The following CNTNAP4 variants were observed in gnomAD, a reference collection of about 807,000 sequenced individuals.
CNTNAP4 encodes contactin-associated protein-like 4.
Under a neutral mutation model 148.4 loss-of-function variants are expected in CNTNAP4, and 98 were observed. The ratio of observed to expected loss-of-function variants is 0.66; its 90% CI spans 0.56 to 0.78. The LOEUF is 0.78. Among genes scored for constraint, CNTNAP4 ranks in the 30% least tolerant of loss-of-function variants. The probability of loss-of-function intolerance (pLI) is 0.00; values close to 1 mark genes in which losing one functional copy is unlikely to be tolerated. For synonymous variants in CNTNAP4, 730 were observed against 565.1 expected, an observed-to-expected ratio of 1.29 and a Z score of -4.14; for missense variants, 1,935 against 1,565.6, an observed-to-expected ratio of 1.24 and a Z score of -3.98.
chr16:76,303,474 TCAAAACCATGG>T (rs922050428), intron 1 of CNTNAP4, among the ~76,000 whole-genome samples: 41 of 152,158 alleles, frequency 2.7e-4, no homozygotes, highest in Admixed American at 7.2e-4. Context: ...GGAATCAAAG[TCAAAACCATGG>T]CAATTTCAGG....
intron 1 of CNTNAP4, among the ~76,000 whole-genome samples, chr16:76,283,707 G>C (rs1344597296): frequency 6.6e-6 from 1 of 151,858 alleles, no homozygotes; most frequent in Non-Finnish European, 1.5e-5. Flanking sequence ...TAACTAATGG[G>C]TACTAGGCTT....
At chr16:76,343,848 T>C (rs930177852) in intron 2 of CNTNAP4, among the ~76,000 whole-genome samples, 3 of 152,180 alleles carry the variant, frequency 2.0e-5, no homozygotes, top group Non-Finnish European at 4.4e-5. Flanking sequence ...GTAATGGTAA[T>C]GTATCATGAT....
chr16:76,490,067 C>G (rs955731021), intron 13 of CNTNAP4, among the ~76,000 whole-genome samples, 184 bp downstream of exon 13: 2 of 152,150 alleles, frequency 1.3e-5, no homozygotes, highest in African/African-American at 4.8e-5. Context: ...AAGAAAAGAA[C>G]AAGGTCAATT....
Position 76,298,427 on chromosome 16 carries a change from AT to A in CNTNAP4, c.86-17985del, listed in dbSNP as rs912569002. Among the ~76,000 whole-genome samples, 12 of 151,756 alleles carry A rather than the reference AT, an allele frequency of 7.9e-5. 1 individual carries two copies. Among genetic ancestry groups the A allele is most frequent in the Admixed American group, 3.9e-4 (6 of 15,198 alleles). On this transcript the variant is annotated intron_variant, in intron 1 of 23. Coordinates refer to ENST00000611870, the MANE Select transcript of CNTNAP4 (RefSeq NM_033401.5). Reference sequence around the variant, plus strand: ...AGAATTAACAGTCTAGCTTTTATGAATGGCAATTAGATTCTTTGGATTACCC... The same window carrying A: ...AGAATTAACAGTCTAGCTTTTATGAAGGCAATTAGATTCTTTGGATTACCC...
chr16:76,530,084 G>A (rs758213658), intron 17 of CNTNAP4, among the ~76,000 whole-genome samples: 33 of 151,390 alleles, frequency 2.2e-4, no homozygotes, highest in Admixed American at 4.0e-4. Flanking sequence ...ATATATTTTA[G>A]GTGAGTCCTT....
chr16:76,454,700 T>C (rs1347687394), intron 8 of CNTNAP4, among the ~76,000 whole-genome samples: 1 of 152,210 alleles, frequency 6.6e-6, no homozygotes, highest in Non-Finnish European at 1.5e-5. Flanking sequence ...CAGCTTGTTC[T>C]CCCAAGGGGA....
chr16:76,375,888 C>T (rs1369416785), intron 3 of CNTNAP4, among the ~76,000 whole-genome samples: 5 of 152,176 alleles, frequency 3.3e-5, no homozygotes, highest in Admixed American at 3.3e-4. Context: ...TTAAGGATGT[C>T]ATCTCTGTTA....
intron 15 of CNTNAP4, among the ~76,000 whole-genome samples, chr16:76,504,928 T>G (rs2082786935): frequency 6.6e-6 from 1 of 152,106 alleles, no homozygotes; most frequent in African/African-American, 2.4e-5. Context: ...ACTGTTAACA[T>G]TTAACAAATA....
rs1451287317 is a variant in CNTNAP4 at position 76,417,076 on chromosome 16, C to T, written c.391-10376C>T. Among the ~76,000 whole-genome samples, 3 of 151,310 alleles carry T rather than the reference C, an allele frequency of 2.0e-5. 1 individual carries two copies. The highest frequency in any genetic ancestry group is 6.3e-3 in the Middle Eastern group (2 of 316). On this transcript the variant is annotated intron_variant, in intron 3 of 23. Transcript: ENST00000611870. Reference sequence around the variant, plus strand: ...AACGTGTGATATATCTTTCTTCATCCATTTACTTTTAATGTACGTTAGTCT... The same window carrying T: ...AACGTGTGATATATCTTTCTTCATCTATTTACTTTTAATGTACGTTAGTCT...
intron 3 of CNTNAP4, among the ~76,000 whole-genome samples, chr16:76,361,324 C>T (rs905689848): frequency 9.2e-5 from 14 of 152,126 alleles, no homozygotes. Context: ...CCCCTGGCAA[C>T]CATCATTCAA....
intron 15 of CNTNAP4, among the ~76,000 whole-genome samples, chr16:76,520,164 G>C (rs1158414250): frequency 1.3e-5 from 2 of 152,154 alleles, no homozygotes; most frequent in Non-Finnish European, 2.9e-5. Flanking sequence ...GAACTTGCTA[G>C]TGGCAGCAGA....
chr16:76,413,261 A>G (rs1044334845), intron 3 of CNTNAP4, among the ~76,000 whole-genome samples: 2 of 151,166 alleles, frequency 1.3e-5, no homozygotes, highest in Non-Finnish European at 3.0e-5. Flanking sequence ...CCCCCACTAC[A>G]CTTCTCAGCC....
chr16:76,486,049 T>C (rs1395271428), intron 12 of CNTNAP4, among the ~76,000 whole-genome samples: 1 of 152,194 alleles, frequency 6.6e-6, no homozygotes, highest in Non-Finnish European at 1.5e-5. Context: ...CACTAAAAAA[T>C]AGCAGCCAGC....
At chr16:76,308,007 G>C (rs1019702060) in intron 1 of CNTNAP4, among the ~76,000 whole-genome samples, 2 of 152,198 alleles carry the variant, frequency 1.3e-5, no homozygotes, top group Non-Finnish European at 2.9e-5. Context: ...AAAATGCATA[G>C]AAATTTATAG....
intron 2 of CNTNAP4, among the ~76,000 whole-genome samples, chr16:76,324,942 T>C (rs1962815085): frequency 6.6e-6 from 1 of 152,206 alleles, no homozygotes; most frequent in Non-Finnish European, 1.5e-5. Flanking sequence ...GTGAATTTTG[T>C]TGGGACACAA....
intron 17 of CNTNAP4, among the ~76,000 whole-genome samples, chr16:76,530,475 G>C (rs1479807385): frequency 1.3e-5 from 2 of 152,126 alleles, no homozygotes; most frequent in Non-Finnish European, 2.9e-5. Flanking sequence ...GATGTCTGGG[G>C]ACAAGAGAAT....
intron 3 of CNTNAP4, among the ~76,000 whole-genome samples, chr16:76,413,001 A>T (rs1382339506): frequency 6.6e-6 from 1 of 151,188 alleles, no homozygotes; most frequent in Non-Finnish European, 1.5e-5. Context: ...TTTCTTTTTA[A>T]TTTTTTATGG....
intron 3 of CNTNAP4, among the ~76,000 whole-genome samples, chr16:76,371,873 C>A (rs2014863138): frequency 6.6e-6 from 1 of 152,174 alleles, no homozygotes; most frequent in South Asian, 2.1e-4. Flanking sequence ...TTTAGTTCAT[C>A]CCTTTCAATC....
rs180698636 is a variant in CNTNAP4, at chr16:76,542,031, C to T, written c.3442+1241C>T. Among the ~76,000 whole-genome samples, 31 of 152,258 alleles carry T rather than the reference C, an allele frequency of 2.0e-4. No individual in the cohort carries two copies. In the East Asian group the frequency reaches 6.0e-3, roughly 29 times the overall value. On this transcript the variant is annotated intron_variant, in intron 21 of 23. Coordinates refer to ENST00000611870, the MANE Select transcript of CNTNAP4 (RefSeq NM_033401.5). ...ACATATTTAGCATGAAATGACGATT[C>T]TACTTTATTCCGTTGATTCAAGTCT...
Sources: gnomAD v4.1 joint callset for allele counts (sites outside exome capture counted in the v4.1 genomes callset) on GRCh38, gnomAD v4.1.1 for gene constraint, MANE v1.5 for transcripts, NCBI Gene and HGNC (gene_info 2026-07-23, HGNC 2026-07-21) for gene names.